Variants in LPP observed in about 807,000 individuals in gnomAD.
LPP encodes lipoma-preferred partner.
A neutral mutation model predicts 60.4 loss-of-function variants in LPP; 38 were observed. That is an observed-to-expected ratio of 0.63 (90% CI 0.49 to 0.83). LPP has a LOEUF of 0.83. Among genes scored for constraint, LPP ranks in the 40% least tolerant of loss-of-function variants. LPP has a pLI of 0.00. For synonymous variants in LPP, 328 were observed against 290.8 expected, an observed-to-expected ratio of 1.13 and a Z score of -1.30; for missense variants, 902 against 783.6, an observed-to-expected ratio of 1.15 and a Z score of -1.80.
chr3:188,394,341 T>C (rs776856008), intron 3 of LPP, among the ~76,000 whole-genome samples: 10 of 152,220 alleles, frequency 6.6e-5, no homozygotes, highest in Non-Finnish European at 1.3e-4. Flanking sequence ...CTAGCAGTCA[T>C]AACTTTTCTG....
chr3:188,519,172 T>C lies in LPP; in HGVS notation c.307-5493T>C, dbSNP rs536684284. Among the ~76,000 whole-genome samples the C allele has an allele frequency of 1.3e-4, 20 of 152,182 alleles. 1 individual carries two copies. In the South Asian group the frequency reaches 3.3e-3, roughly 25 times the overall value. ...TAATTTAAAAATCATGCAGTCATGC[T>C]TAAAATGGTGAAATCTGGTACACAC... On this transcript the variant is annotated intron_variant, in intron 5 of 11. Coordinates refer to ENST00000617246, the MANE Select transcript of LPP (RefSeq NM_001375462.1).
chr3:188,802,471 A>G (rs1210496752), intron 9 of LPP, among the ~76,000 whole-genome samples: 1 of 152,188 alleles, frequency 6.6e-6, no homozygotes, highest in African/African-American at 2.4e-5. Flanking sequence ...ACATCCAGTG[A>G]ATGTCTTTTT....
At chr3:188,826,066 T>C (rs1295492718) in intron 9 of LPP, among the ~76,000 whole-genome samples, 2 of 152,184 alleles carry the variant, frequency 1.3e-5, no homozygotes, top group Non-Finnish European at 2.9e-5. Flanking sequence ...CTACTCTATG[T>C]AGAGTACAAC....
chr3:188,623,898 C>T (rs1041103523), intron 7 of LPP, among the ~76,000 whole-genome samples: 65 of 152,196 alleles, frequency 4.3e-4, no homozygotes, highest in African/African-American at 1.6e-3. Flanking sequence ...TCGTCTCTTC[C>T]TTTTTCATCT....
At chr3:188,605,668 A>G (rs2151291478) in intron 6 of LPP, among the ~76,000 whole-genome samples, 1 of 152,312 alleles carries the variant, frequency 6.6e-6, no homozygotes, top group South Asian at 2.1e-4. Flanking sequence ...GTGTCAAATA[A>G]AGGGAATCAT....
chr3:188,736,722 GGATAGATA>G (rs928392555), intron 8 of LPP, among the ~76,000 whole-genome samples: 19 of 151,352 alleles, frequency 1.3e-4, no homozygotes, highest in Non-Finnish European at 1.3e-4. Context: ...ATACATAGAT[GGATAGATA>G]GATAGATACA....
chr3:188,640,929 GT>G (rs1431677174), intron 7 of LPP, among the ~76,000 whole-genome samples: 1 of 152,144 alleles, frequency 6.6e-6, no homozygotes. Context: ...GCCATAATGT[GT>G]TTTTTCAGAA....
chr3:188,473,602 G>C lies in LPP; in HGVS notation c.194-10990G>C, dbSNP rs544241448. Among the ~76,000 whole-genome samples, 2 of 152,132 alleles carry C rather than the reference G, an allele frequency of 1.3e-5. 1 individual carries two copies. Among genetic ancestry groups the C allele is most frequent in the African/African-American group, 4.8e-5 (2 of 41,426 alleles). On this transcript the variant is annotated intron_variant, in intron 4 of 11. Transcript: ENST00000617246. Reference sequence around the variant, plus strand: ...GTGAGCAAGTGCCCCAGGAGATTCCGATACACACCACTGGTTAAAAGTCAG... The same window carrying C: ...GTGAGCAAGTGCCCCAGGAGATTCCCATACACACCACTGGTTAAAAGTCAG...
At chr3:188,536,861 T>C (rs1029994319) in intron 6 of LPP, among the ~76,000 whole-genome samples, 4 of 152,220 alleles carry the variant, frequency 2.6e-5, no homozygotes, top group Non-Finnish European at 5.9e-5. Flanking sequence ...ACTGCTTATA[T>C]GAAAATGCTG....
intron 1 of LPP, among the ~76,000 whole-genome samples, chr3:188,214,149 C>T (rs544003178): frequency 6.6e-6 from 1 of 151,630 alleles, no homozygotes; most frequent in African/African-American, 2.4e-5. Context: ...CTTTTTTAGA[C>T]AGAGTCTTGC....
intron 9 of LPP, among the ~76,000 whole-genome samples, chr3:188,825,755 C>T (rs993985226): frequency 2.0e-5 from 3 of 151,810 alleles, no homozygotes; most frequent in African/African-American, 4.8e-5. Flanking sequence ...GGTTTTTGTT[C>T]GTTTGTTTTT....
intron 6 of LPP, among the ~76,000 whole-genome samples, chr3:188,592,499 CTTG>C: frequency 6.6e-6 from 1 of 151,132 alleles, no homozygotes; most frequent in Admixed American, 6.6e-5. Flanking sequence ...CTTTATTAAC[CTTG>C]TTATTACTTC....
intron 4 of LPP, among the ~76,000 whole-genome samples, chr3:188,483,501 T>C (rs1262590560): frequency 6.6e-6 from 1 of 152,198 alleles, no homozygotes; most frequent in African/African-American, 2.4e-5. Context: ...TCAAAAACAT[T>C]ATTTTTAATA....
At chr3:188,421,423 C>CA (rs1380685868) in intron 4 of LPP, among the ~76,000 whole-genome samples, 5 of 152,052 alleles carry the variant, frequency 3.3e-5, no homozygotes, top group Non-Finnish European at 7.4e-5. Flanking sequence ...TACCTCCCTT[C>CA]AAAAAAGAAG....
At chr3:188,737,738 C>T (rs1379092979) in intron 8 of LPP, among the ~76,000 whole-genome samples, 2 of 152,080 alleles carry the variant, frequency 1.3e-5, no homozygotes, top group Non-Finnish European at 2.9e-5. Flanking sequence ...GTTTAATAGC[C>T]TTAGGGAATG....
chr3:188,445,283 T>C (rs1794953608), intron 4 of LPP, among the ~76,000 whole-genome samples: 1 of 152,152 alleles, frequency 6.6e-6, no homozygotes, highest in African/African-American at 2.4e-5. Flanking sequence ...ATGTGGCACA[T>C]ATGCACCATG....
In LPP at chr3:188,406,265, GT is replaced by G; in HGVS notation, c.147del (p.Ala50LeufsTer26). On this transcript the variant is annotated frameshift_variant, in exon 4 of 12. Transcript: ENST00000617246. LOFTEE classifies it high-confidence loss of function. ...GCCACCCAAAAAGTTTGCCCCGGTA[GT>G]TGCTCCAAAACCTAAGTACAACCCA... is the stretch of plus-strand genomic sequence containing the variant. ...QQPPKKFAPV[V>X]APKPKYNPYK... 6.2e-7 allele frequency: 1 copy of G among 1,614,150 alleles called. No individual in the cohort carries two copies. The highest frequency in any genetic ancestry group is 1.1e-5 in the South Asian group (1 of 91,088).
At chr3:188,214,289 C>A (rs1306444299) in intron 1 of LPP, among the ~76,000 whole-genome samples, 1 of 152,110 alleles carries the variant, frequency 6.6e-6, no homozygotes, top group Non-Finnish European at 1.5e-5. Flanking sequence ...CACCACTAGG[C>A]CTGGCTAATT....
intron 1 of LPP, among the ~76,000 whole-genome samples, chr3:188,212,316 G>A (rs1307288616): frequency 6.6e-6 from 1 of 152,144 alleles, no homozygotes; most frequent in South Asian, 2.1e-4. Flanking sequence ...TTCTTAAGAT[G>A]AGCTTAAAGC....
Sources: allele counts gnomAD v4.1 joint callset (sites outside exome capture counted in the v4.1 genomes callset), GRCh38; gene constraint gnomAD v4.1.1; transcripts MANE v1.5; gene names NCBI Gene and HGNC (gene_info 2026-07-23, HGNC 2026-07-21).